Variants in MAST4 observed in about 807,000 individuals in gnomAD.
The protein encoded by MAST4 is microtubule-associated serine/threonine-protein kinase 4.
A neutral mutation model predicts 162.7 loss-of-function variants in MAST4; 89 were observed. The ratio of observed to expected loss-of-function variants is 0.55; its 90% CI spans 0.46 to 0.65. The LOEUF (loss-of-function observed/expected upper bound fraction) is 0.65, where lower values mean the gene tolerates loss of function less well. Ranked by LOEUF, MAST4 falls within the 30% of genes least tolerant of loss-of-function variation. The pLI, the probability that MAST4 is intolerant of heterozygous loss-of-function variation, is 0.00. For synonymous variants in MAST4, 1,479 were observed against 1,361.1 expected (o/e 1.09, Z -1.91); for missense variants, 3,153 against 3,374.0 (o/e 0.93, Z 1.62).
At chr5:66,693,766 C>G (rs1327807237) in intron 1 of MAST4, among the ~76,000 whole-genome samples, 1 of 138,278 alleles carries the variant, frequency 7.2e-6, no homozygotes, top group African/African-American at 2.9e-5. Flanking sequence ...AATTTTTAAG[C>G]TAGATGGGGG....
chr5:66,889,234 G>A (rs1351048289), intron 3 of MAST4, among the ~76,000 whole-genome samples: 2 of 152,132 alleles, frequency 1.3e-5, no homozygotes, highest in African/African-American at 2.4e-5. Flanking sequence ...ACAGCTGTGC[G>A]GTGTTGCCTT....
intron 2 of MAST4, among the ~76,000 whole-genome samples, chr5:66,766,467 G>C (rs1754102101): frequency 6.6e-6 from 1 of 151,926 alleles, no homozygotes; most frequent in African/African-American, 2.4e-5. Flanking sequence ...TTGGACTATA[G>C]AAATCAATTT....
intron 8 of MAST4, among the ~76,000 whole-genome samples, chr5:67,101,607 CTTAT>C (rs1044970866): frequency 6.6e-6 from 1 of 152,120 alleles, no homozygotes. Context: ...TAAAAAATAG[CTTAT>C]TTATTAGGCG....
At chr5:66,749,277 G>A (rs1183641254) in intron 1 of MAST4, among the ~76,000 whole-genome samples, 1 of 152,112 alleles carries the variant, frequency 6.6e-6, no homozygotes, top group Non-Finnish European at 1.5e-5. Context: ...CCCAGGACAT[G>A]ACATTGGGAT....
Position 67,131,923 on chromosome 5 carries a change from A to G in MAST4, c.2065A>G (p.Ile689Val), listed in dbSNP as rs748171577. Residue 689 changes from isoleucine (I) to valine (V), a missense_variant, in exon 16 of 29, where the codon ATT becomes GTT. Physicochemically the swap from Ile to Val is conservative, Grantham distance 29. Transcript: ENST00000403625. ...CTTGGAATATTTACATAATTATGGAATTGTACACAGGGATTTGAAACCAGA... is the reference window on the plus strand; with the variant it reads ...CTTGGAATATTTACATAATTATGGAGTTGTACACAGGGATTTGAAACCAGA... ...LALEYLHNYGIVHRDLKPDNL... is the reference protein window; with the variant it reads ...LALEYLHNYGVVHRDLKPDNL... The G allele has an allele frequency of 5.6e-6, 9 of 1,613,070 alleles. No individual in the cohort carries two copies. The highest frequency in any genetic ancestry group is 7.6e-6 in the Non-Finnish European group (9 of 1,179,304).
At chr5:66,822,621 G>A (rs1476312517) in intron 3 of MAST4, among the ~76,000 whole-genome samples, 1 of 152,118 alleles carries the variant, frequency 6.6e-6, no homozygotes, top group Admixed American at 6.5e-5. Context: ...TCCTGCCCAG[G>A]GGGGTATCTC....
chr5:66,884,817 G>C (rs914580557), intron 3 of MAST4, among the ~76,000 whole-genome samples: 1 of 152,146 alleles, frequency 6.6e-6, no homozygotes, highest in African/African-American at 2.4e-5. Flanking sequence ...TGTGTTCCTT[G>C]GCCGCCGGCA....
intron 26 of MAST4, among the ~76,000 whole-genome samples, chr5:67,156,532 C>T (rs1489064663): frequency 3.9e-5 from 6 of 152,146 alleles, no homozygotes; most frequent in Admixed American, 6.5e-5. Flanking sequence ...ACAGGAATGG[C>T]GTCAAAGAAT....
At chr5:66,813,235 GA>G (rs1222784859) in intron 3 of MAST4, among the ~76,000 whole-genome samples, 4 of 152,152 alleles carry the variant, frequency 2.6e-5, no homozygotes, top group Non-Finnish European at 4.4e-5. Context: ...TTGTGTTTGG[GA>G]TGCATTTTCA....
chr5:66,784,187 C>T (rs1755005090), intron 2 of MAST4, among the ~76,000 whole-genome samples: 1 of 146,898 alleles, frequency 6.8e-6, no homozygotes. Flanking sequence ...GGGTCCCTGA[C>T]CTGGGCCATA....
At chr5:67,095,483 A>G in intron 6 of MAST4, 114 bp from the exon 7 acceptor site, 2 of 712,538 alleles carry the variant, frequency 2.8e-6, no homozygotes, top group Non-Finnish European at 2.3e-6. Context: ...ACATTTCCAC[A>G]TCCTCACAGA....
intron 4 of MAST4, among the ~76,000 whole-genome samples, chr5:67,017,474 TTTA>T (rs2150373270): frequency 6.6e-6 from 1 of 152,352 alleles, no homozygotes; most frequent in Non-Finnish European, 1.5e-5. Context: ...TTGAGACAAG[TTTA>T]TTGAGATACA....
chr5:66,752,437 A>G (rs1240472765), intron 1 of MAST4, among the ~76,000 whole-genome samples: 2 of 147,146 alleles, frequency 1.4e-5, no homozygotes, highest in Non-Finnish European at 3.0e-5. Context: ...TCAAAATAAA[A>G]GGATGGAGGA....
intron 5 of MAST4, among the ~76,000 whole-genome samples, chr5:67,071,602 A>T (rs543853657): frequency 6.1e-4 from 93 of 152,326 alleles, no homozygotes; most frequent in Admixed American, 1.2e-3. Context: ...TCTACTAAAG[A>T]TACAAAAATT....
chr5:66,687,299 T>G (rs1376900101), intron 1 of MAST4, among the ~76,000 whole-genome samples: 2 of 152,118 alleles, frequency 1.3e-5, no homozygotes, highest in Non-Finnish European at 2.9e-5. Context: ...TACCGATTGT[T>G]TAGCTCCCAC....
chr5:67,095,118 G>T (rs894295130), intron 6 of MAST4, among the ~76,000 whole-genome samples: 2 of 152,182 alleles, frequency 1.3e-5, no homozygotes, highest in Non-Finnish European at 2.9e-5. Flanking sequence ...TCTTCCCTAA[G>T]CATGATGAGT....
At chr5:67,162,845 G>T (rs190271211) in intron 28 of MAST4, 57 bp downstream of exon 28, 1 of 1,519,240 alleles carries the variant, frequency 6.6e-7, no homozygotes, top group Non-Finnish European at 8.9e-7. Context: ...GTCATGTGAG[G>T]TCCCCAAAAA....
intron 1 of MAST4, among the ~76,000 whole-genome samples, chr5:66,749,833 A>T (rs1200090358): frequency 1.3e-5 from 2 of 152,214 alleles, no homozygotes; most frequent in African/African-American, 4.8e-5. Flanking sequence ...ACCACTGTGG[A>T]ATTAGTATGA....
At chr5:66,886,933 A>G (rs987301563) in intron 3 of MAST4, among the ~76,000 whole-genome samples, 2 of 152,028 alleles carry the variant, frequency 1.3e-5, no homozygotes, top group Non-Finnish European at 2.9e-5. Context: ...CCAAAAAACC[A>G]CAGGGGATCA....
Sources: allele counts gnomAD v4.1 joint callset (sites outside exome capture counted in the v4.1 genomes callset), GRCh38; gene constraint gnomAD v4.1.1; transcripts MANE v1.5; gene names NCBI Gene and HGNC (gene_info 2026-07-23, HGNC 2026-07-21).